PLAAT1: variants seen among roughly 807,000 people sequenced by gnomAD.
PLAAT1 encodes H-REV107 protein-related protein.
PLAAT1 carries 13 observed loss-of-function variants against 16.4 expected under a neutral mutation model. That is an observed-to-expected ratio of 0.79 (90% CI 0.52 to 1.26). PLAAT1 has a LOEUF of 1.26. PLAAT1 is among the 50% of genes most tolerant of loss of function. The pLI, the probability that PLAAT1 is intolerant of heterozygous loss-of-function variation, is 0.00. For synonymous variants in PLAAT1, 73 were observed against 78.4 expected, an observed-to-expected ratio of 0.93 and a Z score of 0.36; for missense variants, 218 against 207.8, an observed-to-expected ratio of 1.05 and a Z score of -0.30.
At chr3:193,275,935 G>A (rs1717177396) in intron 2 of PLAAT1, among the ~76,000 whole-genome samples, 1 of 152,106 alleles carries the variant, frequency 6.6e-6, no homozygotes, top group Non-Finnish European at 1.5e-5. Flanking sequence ...GATTTTTAGT[G>A]ACTAGCATTT....
intron 2 of PLAAT1, among the ~76,000 whole-genome samples, chr3:193,261,895 A>G (rs1716596455): frequency 6.6e-6 from 1 of 152,194 alleles, no homozygotes; most frequent in Non-Finnish European, 1.5e-5. Context: ...AGGACTTGTA[A>G]TGTGTGAGAA....
At chr3:193,269,999 A>G (rs765136016) in intron 3 of PLAAT1, among the ~76,000 whole-genome samples, 18 of 151,988 alleles carry the variant, frequency 1.2e-4, no homozygotes, top group Non-Finnish European at 2.2e-4. Context: ...AATTGTGTCT[A>G]CCAAATAAGA....
chr3:193,257,080 C>G (rs567967789), intron 2 of PLAAT1, among the ~76,000 whole-genome samples: 2 of 152,122 alleles, frequency 1.3e-5, no homozygotes, highest in African/African-American at 4.8e-5. Flanking sequence ...TTTCCCCGGA[C>G]TATGTCTCTT....
At chr3:193,275,396 T>C, downstream of PLAAT1, 1 of 1,431,674 alleles carries the variant, frequency 7.0e-7, no homozygotes, top group Non-Finnish European at 9.5e-7. Flanking sequence ...TCCCCAGGCC[T>C]TCCTCTGAGG....
rs902521908 is a variant in PLAAT1, at chr3:193,276,667, G to A, written c.*60-969G>A. 4.3e-5 allele frequency: 41 copies of A among 954,204 alleles called. No homozygotes were observed. In the African/African-American group the frequency reaches 5.7e-4, roughly 13 times the overall value. The allele number at this position is 954,204 out of a possible 1,614,324, so 59.1% of individuals were successfully genotyped here. ...ACTGTCATTTTGGGGGATCAAAGTG[G>A]TTGCTCTAGAAAATAAGCACCTGCT... On this transcript the variant is annotated intron_variant and NMD_transcript_variant, in intron 2 of 2. Coordinates refer to the PLAAT1 transcript ENST00000416012.
downstream of PLAAT1, chr3:193,274,825 G>C (rs1414919843): frequency 8.1e-6 from 5 of 618,128 alleles, no homozygotes; most frequent in African/African-American, 1.8e-5. Context: ...TGAAAAGGAT[G>C]ATACAGGAAA....
intron 2 of PLAAT1, 84 bp downstream of exon 2, chr3:193,255,873 AAAC>A (rs766055839): frequency 2.3e-5 from 28 of 1,206,994 alleles, no homozygotes; most frequent in Non-Finnish European, 3.0e-5. Flanking sequence ...ATAATAAACA[AAAC>A]AAAATCGAAA....
chr3:193,270,471 G>T (rs1260193107), intron 3 of PLAAT1, 133 bp from the exon 4 acceptor site: 3 of 591,614 alleles, frequency 5.1e-6, no homozygotes, highest in African/African-American at 1.9e-5. Flanking sequence ...TTTTAATTTT[G>T]CATTGTACTT....
chr3:193,252,453 C>G (rs1049507120), intron 1 of PLAAT1, among the ~76,000 whole-genome samples: 2 of 152,144 alleles, frequency 1.3e-5, no homozygotes, highest in African/African-American at 4.8e-5. Flanking sequence ...GTTCTAGATA[C>G]TAGTCCTTTC....
upstream of PLAAT1, among the ~76,000 whole-genome samples, chr3:193,240,654 CGTGTGTGTGTGTGTGT>C (rs370008875): frequency 1.0e-3 from 92 of 88,570 alleles, no homozygotes; most frequent in African/African-American, 4.0e-3. Flanking sequence ...GGCTATCTGG[CGTGTGTGTGTGTGTGT>C]GTGTGTGTGT....
chr3:193,255,658 T>G lies in PLAAT1; in HGVS notation c.8T>G (p.Phe3Cys). 1 of 1,607,764 alleles carries G rather than the reference T, an allele frequency of 6.2e-7. No homozygotes were observed. The change falls in exon 2 of 4, where the codon TTT becomes TGT. Residue 3 changes from phenylalanine (F) to cysteine (C), a missense_variant. Phe to Cys is a radical substitution (Grantham distance 205, BLOSUM62 -2). Transcript: ENST00000264735. ...TTGTATTTGTCATTGCAGATGGCGT[T>G]TAATGATTGCTTCAGTTTGAACTAC... MA[F>C]NDCFSLNYPG...
downstream of PLAAT1, chr3:193,274,657 A>C (rs1256444291): frequency 5.3e-6 from 1 of 188,742 alleles, no homozygotes; most frequent in Non-Finnish European, 1.1e-5. Flanking sequence ...CAAAGATTTA[A>C]GTAAACTTGT....
downstream of PLAAT1, among the ~76,000 whole-genome samples, chr3:193,274,019 G>A (rs531770891): frequency 6.6e-6 from 1 of 152,186 alleles, no homozygotes; most frequent in South Asian, 2.1e-4. Context: ...TGAGGTGGGT[G>A]AATCACTTGA....
chr3:193,268,525 A>G (rs116174928), intron 3 of PLAAT1, among the ~76,000 whole-genome samples: 128 of 152,334 alleles, frequency 8.4e-4, no homozygotes, highest in Non-Finnish European at 1.6e-3. Context: ...GTAAGCCGTG[A>G]AGTAAAAGTT....
chr3:193,265,814 T>C (rs1716759273), intron 3 of PLAAT1, among the ~76,000 whole-genome samples: 1 of 152,178 alleles, frequency 6.6e-6, no homozygotes, highest in South Asian at 2.1e-4. Flanking sequence ...AGCTAGAACA[T>C]AGAGGGTACA....
chr3:193,242,066 G>A lies in PLAAT1; in HGVS notation c.-1+533G>A, dbSNP rs572369770. On this transcript the variant is annotated intron_variant, in intron 1 of 3. Coordinates refer to ENST00000264735, the MANE Select transcript of PLAAT1 (RefSeq NM_020386.5). ...GCGGCCCAGGACAGCTTTGAATGCC[G>A]CCCAACACAAATTTGTAAATGTTCT... Among the ~76,000 whole-genome samples, 6 of 151,020 alleles carry A rather than the reference G, an allele frequency of 4.0e-5. No homozygotes were observed. In the South Asian group the frequency reaches 6.3e-4, roughly 16 times the overall value.
intron 2 of PLAAT1, among the ~76,000 whole-genome samples, chr3:193,257,742 C>G (rs1194320719): frequency 6.6e-6 from 1 of 152,074 alleles, no homozygotes. Context: ...GAGAGACAGA[C>G]CCACCCTCAA....
intron 1 of PLAAT1, among the ~76,000 whole-genome samples, chr3:193,244,531 T>C (rs575483782): frequency 6.6e-6 from 1 of 151,982 alleles, no homozygotes; most frequent in African/African-American, 2.4e-5. Flanking sequence ...TTTTAATCTA[T>C]CCATACATTA....
chr3:193,243,269 C>T (rs898819836), intron 1 of PLAAT1, among the ~76,000 whole-genome samples: 4 of 152,182 alleles, frequency 2.6e-5, no homozygotes, highest in East Asian at 3.9e-4. Flanking sequence ...TGTGTTTTCT[C>T]ATACTTATGA....
Sources: allele counts gnomAD v4.1 joint callset (sites outside exome capture counted in the v4.1 genomes callset), GRCh38; gene constraint gnomAD v4.1.1; transcripts MANE v1.5; gene names NCBI Gene and HGNC (gene_info 2026-07-23, HGNC 2026-07-21).